ADIPOR2: variants seen among roughly 807,000 people sequenced by gnomAD.
The protein encoded by ADIPOR2 is adiponectin receptor protein 2.
In ADIPOR2, 18 loss-of-function variants were observed where a neutral mutation model predicts 40.9. The ratio of observed to expected loss-of-function variants is 0.44; its 90% CI spans 0.30 to 0.65. The LOEUF (loss-of-function observed/expected upper bound fraction) is 0.65. Among genes scored for constraint, ADIPOR2 ranks in the 30% least tolerant of loss-of-function variants. The pLI, the probability that ADIPOR2 is intolerant of heterozygous loss-of-function variation, is 0.09. For synonymous variants in ADIPOR2, 165 were observed against 166.4 expected, an observed-to-expected ratio of 0.99 and a Z score of 0.06; for missense variants, 283 against 479.2, an observed-to-expected ratio of 0.59 and a Z score of 3.82.
intron 1 of ADIPOR2, among the ~76,000 whole-genome samples, chr12:1,714,494 C>T (rs1235447840): frequency 6.6e-6 from 1 of 152,028 alleles, no homozygotes; most frequent in Non-Finnish European, 1.5e-5. Context: ...TTCTTAAGGC[C>T]TCCTGTAGCC....
At chr12:1,702,358 AT>A (rs778285730) in intron 1 of ADIPOR2, among the ~76,000 whole-genome samples, 1 of 152,078 alleles carries the variant, frequency 6.6e-6, no homozygotes, top group African/African-American at 2.4e-5. Flanking sequence ...GGTTATGGGA[AT>A]TTTTTTAGCT....
At chr12:1,773,059 C>T (rs544903016) in intron 3 of ADIPOR2, 98 bp downstream of exon 3, 3 of 1,399,860 alleles carry the variant, frequency 2.1e-6, no homozygotes, top group Admixed American at 4.9e-5. Context: ...CTTTGGTTTG[C>T]TTTGGGGAAG....
At chr12:1,782,976 CTTTTTT>C (rs71055199) in intron 6 of ADIPOR2, among the ~76,000 whole-genome samples, 10 of 109,750 alleles carry the variant, frequency 9.1e-5, no homozygotes, top group Non-Finnish European at 1.6e-4. Flanking sequence ...TTCTTTCTTT[CTTTTTT>C]TTTTTTTTTT....
intron 1 of ADIPOR2, among the ~76,000 whole-genome samples, chr12:1,745,075 A>G (rs1048935266): frequency 6.6e-6 from 1 of 152,196 alleles, no homozygotes; most frequent in Non-Finnish European, 1.5e-5. Flanking sequence ...TTGAAACCCT[A>G]GCAAAACTGC....
At chr12:1,757,503 T>G in intron 2 of ADIPOR2, 1 of 763,440 alleles carries the variant, frequency 1.3e-6, no homozygotes, top group Non-Finnish European at 2.4e-6. Context: ...ATTGTCAAAC[T>G]TGATGAAATT....
intron 1 of ADIPOR2, among the ~76,000 whole-genome samples, chr12:1,718,309 G>A (rs1174950265): frequency 6.6e-6 from 1 of 151,410 alleles, no homozygotes; most frequent in African/African-American, 2.4e-5. Context: ...TACACTTCTT[G>A]GGATGGTCAT....
chr12:1,727,523 C>T (rs73040736), intron 1 of ADIPOR2, among the ~76,000 whole-genome samples: 10,953 of 152,148 alleles, frequency 0.072, 631 homozygotes, highest in East Asian at 0.26. Context: ...CTCCAGAAGT[C>T]TTCCATGGCT....
At chr12:1,748,391 G>T (rs187299071) in intron 1 of ADIPOR2, among the ~76,000 whole-genome samples, 1 of 152,146 alleles carries the variant, frequency 6.6e-6, no homozygotes, top group East Asian at 1.9e-4. Context: ...TGGAACTACA[G>T]GTGCCCGCCA....
At chr12:1,712,335 G>A (rs921927782) in intron 1 of ADIPOR2, among the ~76,000 whole-genome samples, 4 of 152,098 alleles carry the variant, frequency 2.6e-5, no homozygotes, top group African/African-American at 4.8e-5. Context: ...CCAAGCAGGC[G>A]GTTGTCTGAT....
chr12:1,724,517 C>T lies in ADIPOR2; in HGVS notation c.-86-29741C>T, dbSNP rs555732403. Among the ~76,000 whole-genome samples, 143 of 152,104 alleles carry T rather than the reference C, an allele frequency of 9.4e-4. 1 individual carries two copies. Among genetic ancestry groups the T allele is most frequent in the Admixed American group, 8.9e-3 (136 of 15,284 alleles). ...GAGGGAATGGAGAGTTACTGTTTAACGGGTATAGTTTCAGTTTTGCAAGTT... is the reference window on the plus strand; with the variant it reads ...GAGGGAATGGAGAGTTACTGTTTAATGGGTATAGTTTCAGTTTTGCAAGTT... On this transcript the variant is annotated intron_variant, in intron 1 of 7. Coordinates refer to ENST00000357103, the MANE Select transcript of ADIPOR2 (RefSeq NM_024551.3).
chr12:1,718,667 T>G (rs1226228254), intron 1 of ADIPOR2, among the ~76,000 whole-genome samples: 2 of 152,204 alleles, frequency 1.3e-5, no homozygotes, highest in Non-Finnish European at 2.9e-5. Flanking sequence ...AACTTAGCAG[T>G]TAAAATGTCA....
chr12:1,736,106 CAT>C (rs879506894), intron 1 of ADIPOR2, among the ~76,000 whole-genome samples: 15 of 152,322 alleles, frequency 9.8e-5, no homozygotes, highest in Middle Eastern at 6.8e-3. Flanking sequence ...ATGCTGGCCT[CAT>C]AAAATGAGTT....
At chr12:1,749,808 G>T (rs929338614) in intron 1 of ADIPOR2, among the ~76,000 whole-genome samples, 2 of 149,968 alleles carry the variant, frequency 1.3e-5, no homozygotes, top group Non-Finnish European at 3.0e-5. Context: ...TGAGAACATA[G>T]TATAACATAT....
chr12:1,731,280 C>G (rs1212462315), intron 1 of ADIPOR2, among the ~76,000 whole-genome samples: 1 of 152,146 alleles, frequency 6.6e-6, no homozygotes, highest in Non-Finnish European at 1.5e-5. Flanking sequence ...CGAACTTTCT[C>G]CCGCTTCAGC....
intron 1 of ADIPOR2, among the ~76,000 whole-genome samples, chr12:1,691,827 GGAAACTGTT>G (rs949276096): frequency 2.6e-5 from 4 of 152,114 alleles, no homozygotes; most frequent in African/African-American, 9.7e-5. Flanking sequence ...AGTTTGGGTT[GGAAACTGTT>G]AGCTCTTTTT....
intron 1 of ADIPOR2, among the ~76,000 whole-genome samples, chr12:1,719,380 G>T (rs1189058737): frequency 6.6e-6 from 1 of 152,122 alleles, no homozygotes; most frequent in Non-Finnish European, 1.5e-5. Flanking sequence ...ATTTATTTGA[G>T]AACAGTTTAT....
rs1365644589 is a variant in ADIPOR2, at chr12:1,696,924, A to G, written c.-87+5733A>G. 4.6e-5 allele frequency: 7 copies of G among 153,030 alleles called. No individual in the cohort carries two copies. The Admixed American group carries it at 4.6e-4, about 10-fold the overall frequency. 9.5% of individuals were successfully genotyped at this position (153,030 alleles called of 1,614,324 possible). Reference sequence around the variant, plus strand: ...TGATTTGGACTGTCATGTCTTCCCTAAAGTTCTTGTCCATAACATAATGGA... The same window carrying G: ...TGATTTGGACTGTCATGTCTTCCCTGAAGTTCTTGTCCATAACATAATGGA... On this transcript the variant is annotated intron_variant, in intron 1 of 7. Transcript: ENST00000357103.
chr12:1,716,048 G>A (rs568971224), intron 1 of ADIPOR2, among the ~76,000 whole-genome samples: 35 of 152,242 alleles, frequency 2.3e-4, no homozygotes, highest in African/African-American at 7.9e-4. Context: ...CTTTGGGTCC[G>A]TGCCACCTTT....
intron 6 of ADIPOR2, 151 bp from the exon 7 acceptor site, chr12:1,783,728 AG>A (rs1862772170): frequency 3.1e-6 from 2 of 636,294 alleles, no homozygotes; most frequent in Non-Finnish European, 5.0e-6. Context: ...CAGAGTTTGA[AG>A]AACCTTCTTT....
Sources: allele counts gnomAD v4.1 joint callset (sites outside exome capture counted in the v4.1 genomes callset), GRCh38; gene constraint gnomAD v4.1.1; transcripts MANE v1.5; gene names NCBI Gene and HGNC (gene_info 2026-07-23, HGNC 2026-07-21).